Variants in PTPRD observed in about 807,000 individuals in gnomAD.
PTPRD encodes the protein protein tyrosine phosphatase receptor type D, also known as receptor-type tyrosine-protein phosphatase delta.
PTPRD carries 34 observed loss-of-function variants against 214.5 expected under a neutral mutation model. The observed-to-expected ratio is 0.16, with a 90% CI of 0.12 to 0.21. The LOEUF (loss-of-function observed/expected upper bound fraction) is 0.21, where lower values mean the gene tolerates loss of function less well. Among genes scored for constraint, PTPRD ranks in the 10% least tolerant of loss-of-function variants. The pLI, the probability that PTPRD is intolerant of heterozygous loss-of-function variation, is 1.00. For synonymous variants in PTPRD, 1,128 were observed against 845.7 expected, an observed-to-expected ratio of 1.33 and a Z score of -5.79; for missense variants, 2,545 against 2,398.7, an observed-to-expected ratio of 1.06 and a Z score of -1.27.
At chr9:10,586,984 A>C (rs2074095243) in intron 2 of PTPRD, among the ~76,000 whole-genome samples, 2 of 152,068 alleles carry the variant, frequency 1.3e-5, no homozygotes, top group Admixed American at 1.3e-4. Context: ...TAGATGGTGA[A>C]GACAGGCTAT....
At chr9:10,549,407 A>C (rs1185222910) in intron 2 of PTPRD, among the ~76,000 whole-genome samples, 1 of 152,110 alleles carries the variant, frequency 6.6e-6, no homozygotes, top group Non-Finnish European at 1.5e-5. Context: ...GGAAAATAGA[A>C]AAAAAATTGT....
intron 14 of PTPRD, among the ~76,000 whole-genome samples, chr9:8,544,461 A>T (rs1162714497): frequency 2.0e-5 from 3 of 149,378 alleles, no homozygotes; most frequent in African/African-American, 7.5e-5. Flanking sequence ...AAAATAAAAA[A>T]AATAACTTTT....
intron 6 of PTPRD, among the ~76,000 whole-genome samples, chr9:9,760,168 T>G (rs902482516): frequency 1.3e-5 from 2 of 152,168 alleles, no homozygotes; most frequent in Non-Finnish European, 2.9e-5. Flanking sequence ...GATTGTAGCC[T>G]CAGCAAGCTT....
intron 9 of PTPRD, among the ~76,000 whole-genome samples, chr9:9,199,809 CAT>C (rs34908691): frequency 0.7 from 105,444 of 151,080 alleles, 37,181 homozygotes; most frequent in Non-Finnish European, 0.75. Context: ...TTATAAACAT[CAT>C]ATATATATAT....
chr9:10,188,780 A>G (rs981033506), intron 3 of PTPRD, among the ~76,000 whole-genome samples: 1 of 152,148 alleles, frequency 6.6e-6, no homozygotes, highest in Non-Finnish European at 1.5e-5. Flanking sequence ...TTTGTATACT[A>G]CAATGTACCA....
rs367820639 is a variant in PTPRD at position 9,704,075 on chromosome 9, A to C, written c.-287+30458T>G. ...ATTTTAGTTTTTATTTTAAAAATGA[A>C]ATTTCTGTAAGACCCTGAAACCAGA... On this transcript the variant is annotated intron_variant, in intron 7 of 45. Transcript: ENST00000381196. 2.8e-3 allele frequency among the ~76,000 whole-genome samples: 170 copies of C among 61,242 alleles called. 2 individuals carry two copies. The highest frequency in any genetic ancestry group is 0.022 in the African/African-American group (164 of 7,488). The allele number at this position is 61,242 out of a possible 152,430, so 40.2% of individuals were successfully genotyped here.
chr9:10,069,740 G>GAGAT (rs1407764597), intron 3 of PTPRD, among the ~76,000 whole-genome samples: 1 of 152,018 alleles, frequency 6.6e-6, no homozygotes, highest in African/African-American at 2.4e-5. Context: ...GGAAAAAACA[G>GAGAT]AGATAATTGT....
chr9:9,525,934 G>C (rs2074024785), intron 8 of PTPRD, among the ~76,000 whole-genome samples: 1 of 151,720 alleles, frequency 6.6e-6, no homozygotes, highest in South Asian at 2.1e-4. Context: ...CCTCACTCTA[G>C]AAATCCTCAT....
chr9:9,670,282 G>C (rs748423134), intron 7 of PTPRD, among the ~76,000 whole-genome samples: 2 of 152,074 alleles, frequency 1.3e-5, no homozygotes, highest in Non-Finnish European at 2.9e-5. Context: ...GATGATTTAT[G>C]GTATCTGGCA....
intron 11 of PTPRD, among the ~76,000 whole-genome samples, chr9:8,931,958 T>A (rs192468616): frequency 1.0e-3 from 158 of 152,330 alleles, no homozygotes; most frequent in African/African-American, 2.7e-3. Flanking sequence ...ATAGAGGTAT[T>A]TATAGTATTC....
chr9:10,214,643 A>G (rs898477573), intron 3 of PTPRD, among the ~76,000 whole-genome samples: 1 of 152,158 alleles, frequency 6.6e-6, no homozygotes, highest in Non-Finnish European at 1.5e-5. Context: ...TGCTGTATAA[A>G]AACATGTTTA....
intron 3 of PTPRD, among the ~76,000 whole-genome samples, chr9:10,233,932 C>T (rs1234969026): frequency 2.6e-5 from 4 of 151,788 alleles, no homozygotes; most frequent in South Asian, 2.1e-4. Flanking sequence ...TGCCCATGTG[C>T]ATTCTTCTAA....
At chr9:9,274,350 G>A (rs930009498) in intron 9 of PTPRD, among the ~76,000 whole-genome samples, 15 of 151,274 alleles carry the variant, frequency 9.9e-5, no homozygotes, top group African/African-American at 3.1e-4. Flanking sequence ...ATGCATTCAC[G>A]TCTTTCTCCA....
chr9:9,309,302 A>G (rs189678177), intron 9 of PTPRD, among the ~76,000 whole-genome samples: 1 of 152,004 alleles, frequency 6.6e-6, no homozygotes. Flanking sequence ...ATAGATGAAC[A>G]GTCAGTAAAT....
intron 3 of PTPRD, among the ~76,000 whole-genome samples, chr9:10,063,309 C>T (rs2097811076): frequency 6.6e-6 from 1 of 152,070 alleles, no homozygotes; most frequent in Non-Finnish European, 1.5e-5. Context: ...TAAAGCATTT[C>T]TCATCCTTTC....
At chr9:8,845,902 G>A (rs1168179375) in intron 11 of PTPRD, among the ~76,000 whole-genome samples, 1 of 152,172 alleles carries the variant, frequency 6.6e-6, no homozygotes, top group Non-Finnish European at 1.5e-5. Context: ...AGATTGGCAA[G>A]TATAAAACCA....
intron 11 of PTPRD, among the ~76,000 whole-genome samples, chr9:8,803,048 C>T (rs1389710442): frequency 1.3e-5 from 2 of 152,062 alleles, no homozygotes; most frequent in Non-Finnish European, 2.9e-5. Context: ...CAGAGCAAGA[C>T]CTCAGCTCTG....
chr9:8,340,821 G>A (rs1851783232), intron 41 of PTPRD, among the ~76,000 whole-genome samples: 2 of 152,052 alleles, frequency 1.3e-5, no homozygotes, highest in Non-Finnish European at 2.9e-5. Flanking sequence ...TTAAATTTAT[G>A]AAATATGGTA....
intron 6 of PTPRD, among the ~76,000 whole-genome samples, chr9:9,746,741 C>T (rs1027309065): frequency 6.6e-6 from 1 of 151,568 alleles, no homozygotes; most frequent in African/African-American, 2.4e-5. Flanking sequence ...AGCTCACACG[C>T]TCTGTAGGAA....
Sources: allele counts gnomAD v4.1 joint callset (sites outside exome capture counted in the v4.1 genomes callset), GRCh38; gene constraint gnomAD v4.1.1; transcripts MANE v1.5; gene names NCBI Gene and HGNC (gene_info 2026-07-23, HGNC 2026-07-21).